The following CNTNAP2 variants were observed in gnomAD, a reference collection of about 807,000 sequenced individuals.
CNTNAP2 encodes the protein contactin-associated protein-like 2.
Under a neutral mutation model 155.2 loss-of-function variants are expected in CNTNAP2, and 98 were observed. The observed-to-expected ratio is 0.63, with a 90% CI of 0.54 to 0.75. The LOEUF is 0.75. Among genes scored for constraint, CNTNAP2 ranks in the 30% least tolerant of loss-of-function variants. CNTNAP2 has a pLI of 0.00. For synonymous variants in CNTNAP2, 651 were observed against 631.2 expected (o/e 1.03, Z -0.47); for missense variants, 1,727 against 1,688.1 (o/e 1.02, Z -0.40).
chr7:146,333,840 G>A (rs947339992), intron 1 of CNTNAP2, among the ~76,000 whole-genome samples: 1 of 152,134 alleles, frequency 6.6e-6, no homozygotes, highest in African/African-American at 2.4e-5. Flanking sequence ...GGATCACCAT[G>A]CTTATCTGTA....
chr7:146,785,323 A>G (rs1045732249), intron 2 of CNTNAP2, among the ~76,000 whole-genome samples: 12 of 152,134 alleles, frequency 7.9e-5, no homozygotes, highest in African/African-American at 2.9e-4. Context: ...TCACATCTCA[A>G]ATAAGGAGGT....
At chr7:147,233,763 C>T (rs1803737362) in intron 8 of CNTNAP2, among the ~76,000 whole-genome samples, 1 of 148,552 alleles carries the variant, frequency 6.7e-6, no homozygotes, top group South Asian at 2.1e-4. Context: ...TATATAAAAA[C>T]ATTGATGAAT....
chr7:146,894,172 T>C (rs207468753), intron 3 of CNTNAP2, among the ~76,000 whole-genome samples: 2 of 152,180 alleles, frequency 1.3e-5, no homozygotes, highest in Non-Finnish European at 2.9e-5. Flanking sequence ...CAAATACTTA[T>C]ACTGTTTACT....
chr7:147,921,485 G>C (rs1800279767), intron 14 of CNTNAP2, among the ~76,000 whole-genome samples: 1 of 152,124 alleles, frequency 6.6e-6, no homozygotes, highest in African/African-American at 2.4e-5. Context: ...GGACTTTGAT[G>C]CAATAGTCAA....
chr7:146,731,428 A>G (rs2129179465), intron 1 of CNTNAP2, among the ~76,000 whole-genome samples: 1 of 151,584 alleles, frequency 6.6e-6, no homozygotes, highest in South Asian at 2.1e-4. Flanking sequence ...TTTTATTTTA[A>G]TATTTGCTTA....
chr7:146,672,630 T>C (rs1382461973), intron 1 of CNTNAP2, among the ~76,000 whole-genome samples: 1 of 152,158 alleles, frequency 6.6e-6, no homozygotes, highest in Non-Finnish European at 1.5e-5. Flanking sequence ...ACTAATATTG[T>C]CAGTCTTATT....
intron 1 of CNTNAP2, among the ~76,000 whole-genome samples, chr7:146,264,132 A>G (rs557833644): frequency 6.6e-6 from 1 of 152,270 alleles, no homozygotes; most frequent in Admixed American, 6.5e-5. Context: ...AAGAATAAAA[A>G]CATTGCCCTG....
chr7:146,658,276 G>C (rs1800028192), intron 1 of CNTNAP2, among the ~76,000 whole-genome samples: 1 of 151,868 alleles, frequency 6.6e-6, no homozygotes, highest in South Asian at 2.1e-4. Flanking sequence ...AAAGATCAAA[G>C]AAGGAATAAC....
chr7:146,632,633 G>A (rs1799528181), intron 1 of CNTNAP2, among the ~76,000 whole-genome samples: 2 of 151,840 alleles, frequency 1.3e-5, no homozygotes, highest in African/African-American at 4.8e-5. Flanking sequence ...CCATAACGTA[G>A]AGTAACATTT....
chr7:146,464,187 G>GTTTTTTTTTTTT lies in CNTNAP2; in HGVS notation c.98-310076_98-310065dup, dbSNP rs369508603. Among the ~76,000 whole-genome samples, 49 of 91,522 alleles carry GTTTTTTTTTTTT rather than the reference G, an allele frequency of 5.4e-4. 1 individual carries two copies. Among genetic ancestry groups the GTTTTTTTTTTTT allele is most frequent in the African/African-American group, 1.5e-3 (41 of 26,932 alleles). The allele number at this position is 91,522 out of a possible 152,430, so 60.0% of individuals were successfully genotyped here. ...TGCTCAATGTCTTTCCTTTGAAACTGTTTTTTTTTTTTTTTTTTTGGCTCT... is the reference window on the plus strand; with the variant it reads ...TGCTCAATGTCTTTCCTTTGAAACTGTTTTTTTTTTTTTTTTTTTTTTTTTTTTTTTGGCTCT... On this transcript the variant is annotated intron_variant, in intron 1 of 23. Transcript: ENST00000361727.
At chr7:146,332,974 C>T (rs1322804933) in intron 1 of CNTNAP2, among the ~76,000 whole-genome samples, 1 of 118,794 alleles carries the variant, frequency 8.4e-6, no homozygotes, top group Non-Finnish European at 1.6e-5. Context: ...TGACAGGTCT[C>T]ACTCTGTAAC....
chr7:148,146,211 G>A (rs968490517), intron 16 of CNTNAP2, among the ~76,000 whole-genome samples: 1 of 152,190 alleles, frequency 6.6e-6, no homozygotes, highest in African/African-American at 2.4e-5. Flanking sequence ...GAGATTAGGT[G>A]GAAAGCTTAT....
intron 1 of CNTNAP2, among the ~76,000 whole-genome samples, chr7:146,735,976 A>T (rs1230307578): frequency 1.3e-5 from 2 of 152,180 alleles, no homozygotes; most frequent in Non-Finnish European, 2.9e-5. Context: ...TGATTTGATC[A>T]TTACCTATTG....
chr7:147,850,797 T>A (rs542165365), intron 13 of CNTNAP2, among the ~76,000 whole-genome samples: 1 of 152,254 alleles, frequency 6.6e-6, no homozygotes, highest in African/African-American at 2.4e-5. Flanking sequence ...ACTTAAATGT[T>A]AGACCTAAAA....
chr7:146,650,438 C>T (rs150578408), intron 1 of CNTNAP2, among the ~76,000 whole-genome samples: 4 of 152,088 alleles, frequency 2.6e-5, no homozygotes, highest in African/African-American at 9.6e-5. Context: ...CAAACTAATA[C>T]AAGAACAGAA....
rs34005083 is a variant in CNTNAP2, at chr7:148,305,222, CAAAAAAAAAAAAAA to C, written c.3475+38113_3475+38126del. Among the ~76,000 whole-genome samples, 7 of 51,936 alleles carry C rather than the reference CAAAAAAAAAAAAAA, an allele frequency of 1.3e-4. 1 individual carries two copies. In the South Asian group the frequency reaches 4.3e-3, roughly 32 times the overall value. 34.1% of individuals were successfully genotyped at this position (51,936 alleles called of 152,430 possible). On this transcript the variant is annotated intron_variant, in intron 21 of 23. Coordinates refer to ENST00000361727, the MANE Select transcript of CNTNAP2 (RefSeq NM_014141.6). ...TGGGTGAAAGACCAAGGCCCTGTCT[CAAAAAAAAAAAAAA>C]AAAAAAAAAAAAAAAAGTTTCCTTT...
rs189184145 is a variant in CNTNAP2, at chr7:147,165,490, A to T, written c.1348+32981A>T. Among the ~76,000 whole-genome samples, 5 of 152,212 alleles carry T rather than the reference A, an allele frequency of 3.3e-5. No homozygotes were observed. The East Asian group carries it at 7.7e-4, about 23-fold the overall frequency. ...GCTGACTGTTCCCTTTGCTGTGCAG[A>T]TAAGTCCCATCTATTTATCTTTGTT... On this transcript the variant is annotated intron_variant, in intron 8 of 23. Transcript: ENST00000361727.
At chr7:147,484,400 T>G (rs1798476118) in intron 10 of CNTNAP2, among the ~76,000 whole-genome samples, 1 of 148,086 alleles carries the variant, frequency 6.8e-6, no homozygotes, top group Admixed American at 6.9e-5. Flanking sequence ...ATTCCTCATG[T>G]GAAATCCCGT....
At chr7:147,927,170 T>C (rs1027068925) in intron 14 of CNTNAP2, among the ~76,000 whole-genome samples, 15 of 152,322 alleles carry the variant, frequency 9.8e-5, no homozygotes, top group African/African-American at 3.6e-4. Flanking sequence ...ATAATTTTTT[T>C]AGAATGGTCT....
Sources: allele counts gnomAD v4.1 joint callset (sites outside exome capture counted in the v4.1 genomes callset), GRCh38; gene constraint gnomAD v4.1.1; transcripts MANE v1.5; gene names NCBI Gene and HGNC (gene_info 2026-07-23, HGNC 2026-07-21).